Variants in FAM124B observed in about 807,000 individuals in gnomAD.
FAM124B encodes protein FAM124B.
FAM124B carries 18 observed loss-of-function variants against 19.7 expected under a neutral mutation model. The observed-to-expected ratio is 0.92, with a 90% CI of 0.63 to 1.36. The LOEUF is 1.36. Among genes scored for constraint, FAM124B ranks in the 40% most tolerant of loss-of-function variants. The pLI is 0.00. For missense variants in FAM124B, 540 were observed against 553.3 expected, an observed-to-expected ratio of 0.98 and a Z score of 0.24; for synonymous variants, 223 against 225.2, an observed-to-expected ratio of 0.99 and a Z score of 0.09.
chr2:224,395,126 G>A (rs1046364690), intron 1 of FAM124B, among the ~76,000 whole-genome samples: 3 of 152,090 alleles, frequency 2.0e-5, no homozygotes, highest in African/African-American at 7.2e-5. Flanking sequence ...TCAGTGACCT[G>A]GAATTTAGAG....
At position 224,386,782 on chromosome 2, in the gene FAM124B, TATAA is replaced by T. The variant is rs201658278; in HGVS notation, c.733-6578_733-6575del. On this transcript the variant is annotated intron_variant, in intron 1 of 1. Transcript: ENST00000409685. Reference sequence around the variant, plus strand: ...ATAAGTAATCACTAAATATCTGCTATATAAATAAATAAATAAAGCTTAATGCTTA... The same window carrying T: ...ATAAGTAATCACTAAATATCTGCTATATAAATAAATAAAGCTTAATGCTTA... 9.6e-3 allele frequency among the ~76,000 whole-genome samples: 1,466 copies of T among 152,174 alleles called. 18 individuals are homozygous for T. Among genetic ancestry groups the T allele is most frequent in the African/African-American group, 0.032 (1,341 of 41,570 alleles).
In FAM124B at chr2:224,401,505, A is replaced by G; in HGVS notation, c.264T>C (p.Ser88=). ...GEDRLFRVLD[S]LQHSPWQCYP... ...AGCACTGCCATGGCGAATGCTGGAG[A>G]GAGTCCAGGACGCGAAATAGCCTAT... The change falls in exon 1 of 2, where the codon TCT becomes TCC. Residue 88 remains serine, a synonymous_variant. Transcript: ENST00000409685. The G allele has an allele frequency of 1.9e-6, 3 of 1,614,114 alleles. No homozygotes were observed. Among genetic ancestry groups the G allele is most frequent in the South Asian group, 1.1e-5 (1 of 91,072 alleles).
rs116812874 is a variant in FAM124B, at chr2:224,396,475, T to C, written c.732+4562A>G. On this transcript the variant is annotated intron_variant, in intron 1 of 1. Coordinates refer to ENST00000409685, the MANE Select transcript of FAM124B (RefSeq NM_001122779.2). ...TGCACACACGCCTCCATCCTGGCCA[T>C]GTGGAGGGATGGTCTGCAGAGAGGT... is the stretch of plus-strand genomic sequence containing the variant. 7.8e-4 allele frequency among the ~76,000 whole-genome samples: 119 copies of C among 152,318 alleles called. 1 individual carries two copies. Among genetic ancestry groups the C allele is most frequent in the African/African-American group, 2.8e-3 (115 of 41,588 alleles).
chr2:224,380,736 G>A (rs948214124), intron 1 of FAM124B, among the ~76,000 whole-genome samples: 1 of 152,122 alleles, frequency 6.6e-6, no homozygotes, highest in African/African-American at 2.4e-5. Flanking sequence ...CACTCCAGAC[G>A]GCTAATAATT....
chr2:224,383,576 A>G (rs558790356), intron 1 of FAM124B, among the ~76,000 whole-genome samples: 2 of 152,194 alleles, frequency 1.3e-5, no homozygotes, highest in South Asian at 4.1e-4. Context: ...AAATAATTTC[A>G]TTGTACAAAT....
chr2:224,401,056 C>T lies in FAM124B; in HGVS notation c.713G>A (p.Gly238Asp), dbSNP rs1050792964. ...STRWQTQDYD[G>D]NKILLQVQLN... ...AAATACCTGAAGCAGAATCTTGTTG[C>T]CATCGTAGTCCTGAGTCTGCCACCT... Residue 238 changes from glycine to aspartate, a missense_variant, in exon 1 of 2, where the codon GGC becomes GAC. Transcript: ENST00000409685. 5 of 1,601,166 alleles carry T rather than the reference C, an allele frequency of 3.1e-6. No individual in the cohort carries two copies. The highest frequency in any genetic ancestry group is 4.3e-6 in the Non-Finnish European group (5 of 1,172,092).
Position 224,401,045 on chromosome 2 carries a change from G to T in FAM124B, c.724C>A (p.Leu242Met), listed in dbSNP as rs535835244. Residue 242 changes from leucine (L) to methionine (M), a missense_variant, in exon 1 of 2, where the codon CTG (leucine) becomes ATG (methionine). Transcript: ENST00000409685. ...AGACAAAACAGAAATACCTGAAGCA[G>T]AATCTTGTTGCCATCGTAGTCCTGA... is the stretch of plus-strand genomic sequence containing the variant. ...QTQDYDGNKI[L>M]LQVQLNPELG... 1.6e-5 allele frequency: 26 copies of T among 1,594,862 alleles called. 1 individual carries two copies. The South Asian group carries it at 2.8e-4, about 17-fold the overall frequency.
At chr2:224,385,376 C>T (rs1374241210) in intron 1 of FAM124B, among the ~76,000 whole-genome samples, 3 of 152,180 alleles carry the variant, frequency 2.0e-5, no homozygotes, top group Non-Finnish European at 4.4e-5. Flanking sequence ...CTACCTTTCC[C>T]TCCACCCCTT....
In FAM124B at chr2:224,385,640, C is replaced by G. The variant is rs545929148; in HGVS notation, c.733-5432G>C. 4.6e-5 allele frequency among the ~76,000 whole-genome samples: 7 copies of G among 152,326 alleles called. No homozygotes were observed. The East Asian group carries it at 1.2e-3, about 25-fold the overall frequency. ...CCAACTGCCTTCTAGCCACCAATCC[C>G]TCAAAAACAACATGCCCCAAATCAT... On this transcript the variant is annotated intron_variant, in intron 1 of 1. Transcript: ENST00000409685.
intron 1 of FAM124B, among the ~76,000 whole-genome samples, chr2:224,386,044 T>A (rs112240031): frequency 0.015 from 2,302 of 152,234 alleles, 66 homozygotes; most frequent in African/African-American, 0.051. Flanking sequence ...CCTACTCTTC[T>A]TAAGATAAAA....
chr2:224,381,628 T>C (rs1185915904), intron 1 of FAM124B, among the ~76,000 whole-genome samples: 1 of 152,178 alleles, frequency 6.6e-6, no homozygotes. Context: ...TATACATTTG[T>C]CCAAACCCAC....
rs1690084796 is a variant in FAM124B, at chr2:224,402,026, C to T, written c.-258G>A. 1.0e-5 allele frequency: 5 copies of T among 481,126 alleles called. No individual in the cohort carries two copies. Among genetic ancestry groups the T allele is most frequent in the South Asian group, 1.0e-4 (3 of 29,680 alleles). 29.8% of individuals were successfully genotyped at this position (481,126 alleles called of 1,614,324 possible). A position where few individuals can be genotyped will look rare whatever the true frequency, so the allele number is the denominator to read the frequency against. ...GCAGCAGCGGGGTCACGTCATCCAG[C>T]TTGTGCATAATGTAACTGCTTGTGT... On this transcript the variant is annotated 5_prime_UTR_variant, in exon 1 of 2. Coordinates refer to ENST00000409685, the MANE Select transcript of FAM124B (RefSeq NM_001122779.2).
chr2:224,392,678 C>T (rs997219724), intron 1 of FAM124B, among the ~76,000 whole-genome samples: 3 of 151,570 alleles, frequency 2.0e-5, no homozygotes, highest in Non-Finnish European at 4.4e-5. Flanking sequence ...TAGCTTGAGC[C>T]TGGGAGAGGG....
chr2:224,399,665 T>A (rs1427927135), intron 1 of FAM124B: 55 of 152,198 alleles, frequency 3.6e-4, no homozygotes, highest in Admixed American at 3.6e-3. Context: ...AGATACTTCC[T>A]ATCTTGGGCA....
At chr2:224,400,017 A>T (rs1690036345) in intron 1 of FAM124B, 1 of 153,714 alleles carries the variant, frequency 6.5e-6, no homozygotes, top group African/African-American at 2.4e-5. Flanking sequence ...AGCTATCATG[A>T]CTAAATACAC....
At chr2:224,397,042 C>CTCT (rs1049592883) in intron 1 of FAM124B, among the ~76,000 whole-genome samples, 1 of 152,148 alleles carries the variant, frequency 6.6e-6, no homozygotes, top group African/African-American at 2.4e-5. Flanking sequence ...TTCTTTTCTT[C>CTCT]TCTTCTCTCC....
intron 1 of FAM124B, among the ~76,000 whole-genome samples, chr2:224,386,073 C>A (rs1244007580): frequency 6.6e-6 from 1 of 152,122 alleles, no homozygotes; most frequent in Non-Finnish European, 1.5e-5. Flanking sequence ...CTTGGATCAC[C>A]ACACCATCGT....
Position 224,399,283 on chromosome 2 carries a change from C to T in FAM124B, c.732+1754G>A, listed in dbSNP as rs16865945. 7.1e-3 allele frequency among the ~76,000 whole-genome samples: 1,074 copies of T among 152,232 alleles called. 10 individuals are homozygous for T. The highest frequency in any genetic ancestry group is 0.024 in the African/African-American group (1,003 of 41,530). ...AGGTTGATTTTAAGTACTAGAGAGT[C>T]GCTAAAACTGAAAGAAATTTTAGAT... On this transcript the variant is annotated intron_variant, in intron 1 of 1. Transcript: ENST00000409685.
At chr2:224,398,233 G>A (rs1690006776) in intron 1 of FAM124B, among the ~76,000 whole-genome samples, 1 of 152,102 alleles carries the variant, frequency 6.6e-6, no homozygotes, top group African/African-American at 2.4e-5. Context: ...GAGTAGCTGG[G>A]ACTACGGGTG....
Sources: gnomAD v4.1 joint callset for allele counts (sites outside exome capture counted in the v4.1 genomes callset) on GRCh38, gnomAD v4.1.1 for gene constraint, MANE v1.5 for transcripts, NCBI Gene and HGNC (gene_info 2026-07-23, HGNC 2026-07-21) for gene names.